CADM1: variants seen among roughly 807,000 people sequenced by gnomAD.
The protein encoded by CADM1 is cell adhesion molecule 1.
Under a neutral mutation model 53.1 loss-of-function variants are expected in CADM1, and 15 were observed. The ratio of observed to expected loss-of-function variants is 0.28; its 90% CI spans 0.19 to 0.44. The LOEUF (loss-of-function observed/expected upper bound fraction) is 0.44, where lower values mean the gene tolerates loss of function less well. Among genes scored for constraint, CADM1 ranks in the 20% least tolerant of loss-of-function variants. The pLI is 1.00. For synonymous variants in CADM1, 281 were observed against 243.0 expected, an observed-to-expected ratio of 1.16 and a Z score of -1.45; for missense variants, 434 against 611.3, an observed-to-expected ratio of 0.71 and a Z score of 3.06.
At chr11:115,278,136 GATC>G (rs1468136892) in intron 1 of CADM1, among the ~76,000 whole-genome samples, 1 of 152,066 alleles carries the variant, frequency 6.6e-6, no homozygotes, top group Non-Finnish European at 1.5e-5. Context: ...GCATAGAAGT[GATC>G]ATTTCTGCCT....
chr11:115,358,430 T>C (rs980027375), intron 1 of CADM1, among the ~76,000 whole-genome samples: 3 of 152,224 alleles, frequency 2.0e-5, no homozygotes, highest in Admixed American at 1.3e-4. Flanking sequence ...ACAGAACTTG[T>C]GCAGGGAAAC....
intron 7 of CADM1, 145 bp downstream of exon 7, chr11:115,214,463 C>T (rs1243539124): frequency 2.7e-6 from 2 of 742,868 alleles, no homozygotes; most frequent in South Asian, 1.6e-5. Flanking sequence ...CACTAGGGTC[C>T]ACCTCAGGCC....
chr11:115,189,808 T>A (rs1939757632), intron 10 of CADM1, among the ~76,000 whole-genome samples: 1 of 152,196 alleles, frequency 6.6e-6, no homozygotes, highest in East Asian at 1.9e-4. Flanking sequence ...CTCCTGGAGC[T>A]TCCAGTCTGT....
At chr11:115,227,786 T>A (rs1180534443) in intron 5 of CADM1, among the ~76,000 whole-genome samples, 2 of 152,236 alleles carry the variant, frequency 1.3e-5, no homozygotes, top group African/African-American at 4.8e-5. Context: ...TGGAATGGGA[T>A]GGTTTCTTAG....
chr11:115,214,966 G>A (rs1277135680), intron 6 of CADM1, among the ~76,000 whole-genome samples, 186 bp from the exon 7 acceptor site: 1 of 152,104 alleles, frequency 6.6e-6, no homozygotes, highest in Non-Finnish European at 1.5e-5. Flanking sequence ...AACACGATCA[G>A]GTGTTGAAAA....
At chr11:115,414,414 C>G (rs749191666) in intron 1 of CADM1, among the ~76,000 whole-genome samples, 23 of 152,174 alleles carry the variant, frequency 1.5e-4, no homozygotes, top group Non-Finnish European at 2.9e-4. Flanking sequence ...CAGTCTATCT[C>G]TGTCCACAGA....
In CADM1 at chr11:115,174,328, A is replaced by G; in HGVS notation, c.*2146T>C. The G allele has an allele frequency of 1.0e-6, 1 of 985,182 alleles. No homozygotes were observed. The highest frequency in any genetic ancestry group is 1.2e-6 in the Non-Finnish European group (1 of 829,476). 61.0% of individuals were successfully genotyped at this position (985,182 alleles called of 1,614,324 possible). On this transcript the variant is annotated 3_prime_UTR_variant, in exon 12 of 12. Transcript: ENST00000331581. ...TTCTAAAAAGAACAACTGAAAAAAA[A>G]CCTTTCAACAACATGCTAAATGATT...
chr11:115,502,480 CATT>C (rs1949750360), intron 1 of CADM1, among the ~76,000 whole-genome samples: 1 of 151,978 alleles, frequency 6.6e-6, no homozygotes, highest in Non-Finnish European at 1.5e-5. Context: ...CTTTCAGGAA[CATT>C]TTATTGAACC....
intron 1 of CADM1, among the ~76,000 whole-genome samples, chr11:115,501,505 C>T (rs923133906): frequency 1.3e-5 from 2 of 152,188 alleles, no homozygotes; most frequent in African/African-American, 2.4e-5. Context: ...ATCATGCATG[C>T]ACCTTGAACG....
intron 1 of CADM1, among the ~76,000 whole-genome samples, chr11:115,343,937 C>T (rs531501216): frequency 3.4e-4 from 51 of 152,076 alleles, no homozygotes; most frequent in African/African-American, 1.2e-3. Context: ...GACAAGAGAC[C>T]TGTTGCTCAA....
intron 1 of CADM1, among the ~76,000 whole-genome samples, chr11:115,344,676 A>G (rs140882916): frequency 6.6e-6 from 1 of 152,162 alleles, no homozygotes; most frequent in East Asian, 1.9e-4. Context: ...ATCCTGATCT[A>G]TATATTTTTG....
intron 1 of CADM1, among the ~76,000 whole-genome samples, chr11:115,346,274 G>C (rs1945574765): frequency 6.6e-6 from 1 of 152,180 alleles, no homozygotes; most frequent in Admixed American, 6.6e-5. Context: ...CTTAAGGACT[G>C]CAAGTGAATG....
At chr11:115,196,251 G>A (rs562826675) in intron 9 of CADM1, among the ~76,000 whole-genome samples, 101 of 152,098 alleles carry the variant, frequency 6.6e-4, no homozygotes, top group African/African-American at 2.1e-3. Context: ...GGAAAGACCC[G>A]ATTAAAACTA....
At chr11:115,436,741 T>C (rs1049625982) in intron 1 of CADM1, among the ~76,000 whole-genome samples, 1 of 152,204 alleles carries the variant, frequency 6.6e-6, no homozygotes, top group Non-Finnish European at 1.5e-5. Flanking sequence ...GTGCCTTCTA[T>C]GTGTATAAGT....
intron 1 of CADM1, among the ~76,000 whole-genome samples, chr11:115,387,543 A>T (rs1946729604): frequency 6.6e-6 from 1 of 152,176 alleles, no homozygotes; most frequent in Admixed American, 6.6e-5. Flanking sequence ...GAGGGAAAAC[A>T]TGTCCTGAAC....
chr11:115,184,657 G>C (rs1018357835), intron 10 of CADM1, among the ~76,000 whole-genome samples: 1 of 152,128 alleles, frequency 6.6e-6, no homozygotes, highest in Non-Finnish European at 1.5e-5. Context: ...TAGCATCCCA[G>C]GCATCTACTA....
At chr11:115,384,380 T>C (rs980629270) in intron 1 of CADM1, among the ~76,000 whole-genome samples, 3 of 152,144 alleles carry the variant, frequency 2.0e-5, no homozygotes, top group Admixed American at 6.5e-5. Context: ...CAAACCCACA[T>C]TGACAGTTAA....
chr11:115,250,191 C>T (rs1159717819), intron 1 of CADM1, among the ~76,000 whole-genome samples: 1 of 152,238 alleles, frequency 6.6e-6, no homozygotes, highest in Non-Finnish European at 1.5e-5. Context: ...GCATGAGCCA[C>T]TGTGCCCACC....
chr11:115,416,732 CACAGAT>C (rs1302037079), intron 1 of CADM1, among the ~76,000 whole-genome samples: 66 of 151,054 alleles, frequency 4.4e-4, no homozygotes, highest in Admixed American at 3.3e-4. Context: ...CACACACACA[CACAGAT>C]AGATATTGTA....
Sources: gnomAD v4.1 joint callset for allele counts (sites outside exome capture counted in the v4.1 genomes callset) on GRCh38, gnomAD v4.1.1 for gene constraint, MANE v1.5 for transcripts, NCBI Gene and HGNC (gene_info 2026-07-23, HGNC 2026-07-21) for gene names.